HEXIM2: variants seen among roughly 807,000 people sequenced by gnomAD.
HEXIM2 encodes the protein protein HEXIM2.
For synonymous variants in HEXIM2, 159 were observed against 162.7 expected, an observed-to-expected ratio of 0.98 and a Z score of 0.17; for missense variants, 413 against 390.8, an observed-to-expected ratio of 1.06 and a Z score of -0.48.
rs1185666172 is a variant in HEXIM2, at chr17:45,169,030, G to C, written c.82G>C (p.Gly28Arg). 17 of 1,610,874 alleles carry C rather than the reference G, an allele frequency of 1.1e-5. No individual in the cohort carries two copies. The highest frequency in any genetic ancestry group is 1.4e-5 in the Non-Finnish European group (17 of 1,178,190). The change falls in exon 4 of 4, where the codon GGG becomes CGG. Residue 28 changes from glycine (G) to arginine (R), a missense_variant. By Grantham distance (125) the Gly-to-Arg change is moderately radical. Transcript: ENST00000589230. ...CTCTCTTTAGACCTCTGGTGCCCCGGGGAGCCCCCAAACACCCCCTGAGCG... is the reference window on the plus strand; with the variant it reads ...CTCTCTTTAGACCTCTGGTGCCCCGCGGAGCCCCCAAACACCCCCTGAGCG... ...LEEAKTSGAP[G>R]SPQTPPERHD... is the part of the protein sequence containing the mutation.
chr17:45,168,697 T>C (rs1022980835), intron 3 of HEXIM2: 3 of 236,952 alleles, frequency 1.3e-5, no homozygotes, highest in Non-Finnish European at 2.5e-5. Context: ...CCAGTTTTCT[T>C]CTTCTCCTAC....
intron 3 of HEXIM2, among the ~76,000 whole-genome samples, chr17:45,166,592 G>C (rs2042848760): frequency 6.6e-6 from 1 of 152,162 alleles, no homozygotes; most frequent in Admixed American, 6.6e-5. Flanking sequence ...GATGTTAAAT[G>C]GCCATATGCT....
intron 3 of HEXIM2, among the ~76,000 whole-genome samples, chr17:45,166,406 C>G (rs751498019): frequency 1.3e-5 from 2 of 152,130 alleles, no homozygotes; most frequent in Non-Finnish European, 2.9e-5. Context: ...GGATTACCAG[C>G]GTGAGCCACT....
chr17:45,162,376 C>T, intron 1 of HEXIM2, 112 bp from the exon 2 acceptor site: 1 of 805,494 alleles, frequency 1.2e-6, no homozygotes, highest in South Asian at 3.6e-5. Context: ...AGCAGCAGCC[C>T]CGCTGCACTC....
chr17:45,163,108 G>A (rs2042747407), intron 3 of HEXIM2, among the ~76,000 whole-genome samples: 1 of 152,128 alleles, frequency 6.6e-6, no homozygotes, highest in African/African-American at 2.4e-5. Flanking sequence ...TGGATCACCT[G>A]AGGTCAGGAG....
chr17:45,162,382 C>A, intron 1 of HEXIM2, 106 bp from the exon 2 acceptor site: 2 of 864,326 alleles, frequency 2.3e-6, no homozygotes, highest in Non-Finnish European at 2.9e-6. Flanking sequence ...AGCCCCGCTG[C>A]ACTCCCAGCC....
rs770748130 is a variant in HEXIM2 at position 45,169,536 on chromosome 17, T to G, written c.588T>G (p.Thr196=). 90 of 1,580,644 alleles carry G rather than the reference T, an allele frequency of 5.7e-5. No individual in the cohort carries two copies. The highest frequency in any genetic ancestry group is 7.2e-5 in the Non-Finnish European group (84 of 1,163,966). Reference sequence around the variant, plus strand: ...TCCAGCGGAAGGACTTCTCTGAGACTTACGAACGCTTCCACACCGAGAGCC... The same window carrying G: ...TCCAGCGGAAGGACTTCTCTGAGACGTACGAACGCTTCCACACCGAGAGCC... The part of the protein sequence containing the change: ...GEFQRKDFSE[T]YERFHTESLQ... Residue 196 remains threonine (T), a synonymous_variant, in exon 4 of 4, where the codon ACT becomes ACG. Transcript: ENST00000589230.
upstream of HEXIM2, chr17:45,160,947 A>C: frequency 7.8e-7 from 1 of 1,289,692 alleles, no homozygotes; most frequent in South Asian, 1.2e-5. Context: ...AAGCGAGGTA[A>C]GGTGGGTGCA....
chr17:45,169,558 A>G lies in HEXIM2; in HGVS notation c.610A>G (p.Ser204Gly), dbSNP rs1481705009. ...SETYERFHTE[S>G]LQGRSKQELV... ...GACTTACGAACGCTTCCACACCGAGAGCCTGCAGGGCCGCAGCAAGCAGGA... is the reference window on the plus strand; with the variant it reads ...GACTTACGAACGCTTCCACACCGAGGGCCTGCAGGGCCGCAGCAAGCAGGA... The change falls in exon 4 of 4, where the codon AGC (serine) becomes GGC (glycine). Residue 204 changes from serine (S) to glycine (G), a missense_variant. Ser to Gly is a moderately conservative substitution (Grantham distance 56). Transcript: ENST00000589230. 1 of 1,561,544 alleles carries G rather than the reference A, an allele frequency of 6.4e-7. No homozygotes were observed. Among genetic ancestry groups the G allele is most frequent in the Non-Finnish European group, 8.7e-7 (1 of 1,153,736 alleles).
In HEXIM2 at chr17:45,169,047, C is replaced by G. The variant is rs2144091894; in HGVS notation, c.99C>G (p.Pro33=). 1 of 1,613,648 alleles carries G rather than the reference C, an allele frequency of 6.2e-7. No individual in the cohort carries two copies. Among genetic ancestry groups the G allele is most frequent in the African/African-American group, 1.3e-5 (1 of 75,036 alleles). Residue 33 remains proline, a synonymous_variant, in exon 4 of 4, where the codon CCC becomes CCG. Coordinates refer to ENST00000589230, the MANE Select transcript of HEXIM2 (RefSeq NM_001303441.2). The part of the protein sequence containing the change: ...TSGAPGSPQT[P]PERHDSGGSL... The stretch of plus-strand genomic sequence containing the variant: ...GTGCCCCGGGGAGCCCCCAAACACC[C>G]CCTGAGCGTCATGACTCTGGTGGTT...
chr17:45,168,966 C>T (rs770399823), intron 3 of HEXIM2, 49 bp from the exon 4 acceptor site: 1 of 1,528,750 alleles, frequency 6.5e-7, no homozygotes, highest in Non-Finnish European at 8.8e-7. Flanking sequence ...GGTTCCACCT[C>T]CAAGGACAGG....
At chr17:45,168,253 G>A (rs1052533267) in intron 3 of HEXIM2, among the ~76,000 whole-genome samples, 1 of 150,180 alleles carries the variant, frequency 6.7e-6, no homozygotes, top group Non-Finnish European at 1.5e-5. Flanking sequence ...AGGCCGAGGC[G>A]GGTGGATCAC....
chr17:45,164,777 C>T (rs1409607663), intron 3 of HEXIM2, among the ~76,000 whole-genome samples: 2 of 152,214 alleles, frequency 1.3e-5, no homozygotes, highest in Non-Finnish European at 2.9e-5. Context: ...CATGTTCTCT[C>T]AGTACCTGCC....
upstream of HEXIM2, chr17:45,160,744 G>C (rs982582509): frequency 1.4e-5 from 6 of 425,066 alleles, no homozygotes; most frequent in Admixed American, 2.5e-5. Context: ...TGCTAGGTCA[G>C]GTTGTCCGGA....
chr17:45,161,748 G>C (rs2042699942), upstream of HEXIM2: 1 of 787,038 alleles, frequency 1.3e-6, no homozygotes, highest in African/African-American at 1.9e-5. Flanking sequence ...ATGCGCGCGC[G>C]GTCTGCCCCC....
chr17:45,161,313 G>A (rs1024641383), upstream of HEXIM2: 6 of 303,744 alleles, frequency 2.0e-5, no homozygotes, highest in Non-Finnish European at 4.0e-5. Flanking sequence ...GACGGTTTGA[G>A]GACCGGGCTC....
In HEXIM2 at chr17:45,169,154, GT is replaced by G; in HGVS notation, c.207del (p.Ser69ArgfsTer40). On this transcript the variant is annotated frameshift_variant, in exon 4 of 4. Coordinates refer to ENST00000589230, the MANE Select transcript of HEXIM2 (RefSeq NM_001303441.2). LOFTEE classifies it low-confidence loss of function (END_TRUNC). The stretch of plus-strand genomic sequence containing the variant: ...GCTGTCGGTGGCCTGGGCTGGAACA[GT>G]AGGAGTCCCCGGACCCAGAGCCCAG... Reference protein sequence around the residue: ...AGAVGGLGWNSRSPRTQSPGG... With the variant: ...AGAVGGLGWNXRSPRTQSPGG... 6.2e-7 allele frequency: 1 copy of G among 1,613,858 alleles called. No homozygotes were observed. The highest frequency in any genetic ancestry group is 8.5e-7 in the Non-Finnish European group (1 of 1,180,034).
chr17:45,165,332 C>T (rs1173502780), intron 3 of HEXIM2, among the ~76,000 whole-genome samples: 3 of 152,164 alleles, frequency 2.0e-5, no homozygotes, highest in Non-Finnish European at 4.4e-5. Flanking sequence ...TCTTCGGGGT[C>T]TGCAAAACAC....
In HEXIM2 at chr17:45,169,228, C is replaced by T. The variant is rs1427033580; in HGVS notation, c.280C>T (p.Arg94Trp). The change falls in exon 4 of 4, where the codon CGG becomes TGG. Residue 94 changes from arginine (R) to tryptophan (W), a missense_variant. Coordinates refer to ENST00000589230, the MANE Select transcript of HEXIM2 (RefSeq NM_001303441.2). Reference protein sequence around the residue: ...AVLARKKHRRRPSKRKRHWRP... With the variant: ...AVLARKKHRRWPSKRKRHWRP... ...GCTGGCCCGGAAGAAACACCGTCGGCGGCCATCGAAGCGCAAAAGGCACTG... is the reference window on the plus strand; with the variant it reads ...GCTGGCCCGGAAGAAACACCGTCGGTGGCCATCGAAGCGCAAAAGGCACTG... 4 of 1,613,566 alleles carry T rather than the reference C, an allele frequency of 2.5e-6. No homozygotes were observed. The highest frequency in any genetic ancestry group is 1.1e-5 in the South Asian group (1 of 91,080).
Sources: gnomAD v4.1 joint callset for allele counts (sites outside exome capture counted in the v4.1 genomes callset) on GRCh38, gnomAD v4.1.1 for gene constraint, MANE v1.5 for transcripts, NCBI Gene and HGNC (gene_info 2026-07-23, HGNC 2026-07-21) for gene names.